RYR3: variants seen among roughly 807,000 people sequenced by gnomAD.
RYR3 encodes ryanodine receptor 3.
RYR3 carries 207 observed loss-of-function variants against 584.3 expected under a neutral mutation model. The observed-to-expected ratio is 0.35, with a 90% CI of 0.32 to 0.40. The LOEUF is 0.40. Ranked by LOEUF, RYR3 falls within the 10% of genes least tolerant of loss-of-function variation. RYR3 has a pLI of 1.00. For missense variants in RYR3, 5,616 were observed against 6,089.2 expected (o/e 0.92, Z 2.59); for synonymous variants, 2,416 against 2,248.5 (o/e 1.07, Z -2.11).
chr15:33,352,516 G>GACTTA (rs1973420104), intron 1 of RYR3, among the ~76,000 whole-genome samples: 1 of 152,112 alleles, frequency 6.6e-6, no homozygotes. Context: ...TGCCCTTGTT[G>GACTTA]ACTTAACGAG....
chr15:33,785,997 C>T lies in RYR3; in HGVS notation c.9589+15C>T. 6.6e-7 allele frequency: 1 copy of T among 1,524,740 alleles called. No individual in the cohort carries two copies. Among genetic ancestry groups the T allele is most frequent in the Non-Finnish European group, 8.8e-7 (1 of 1,133,148 alleles). 94.5% of individuals were successfully genotyped at this position (1,524,740 alleles called of 1,614,324 possible). On this transcript the variant is annotated intron_variant, in intron 66 of 103. Coordinates refer to ENST00000634891, the MANE Select transcript of RYR3 (RefSeq NM_001036.6). ...GCGCATTGCAGGTACCGACCCCTTT[C>T]TCCCCAGTCCCCAGCCCAGGGGCCA... is the stretch of plus-strand genomic sequence containing the variant.
chr15:33,816,808 A>G, intron 74 of RYR3, 54 bp from the exon 75 acceptor site: 1 of 1,234,382 alleles, frequency 8.1e-7, no homozygotes, highest in Non-Finnish European at 1.2e-6. Context: ...GCCCAAACTA[A>G]AAGAACAAGT....
chr15:33,790,218 C>A (rs1375963896), intron 67 of RYR3, among the ~76,000 whole-genome samples: 1 of 151,800 alleles, frequency 6.6e-6, no homozygotes, highest in African/African-American at 2.4e-5. Context: ...TGGTCTCAAT[C>A]TCCTGACCTC....
chr15:33,634,623 A>G lies in RYR3; in HGVS notation c.3065A>G (p.Tyr1022Cys), dbSNP rs1028705656. 6.2e-7 allele frequency: 1 copy of G among 1,613,898 alleles called. No individual in the cohort carries two copies. The highest frequency in any genetic ancestry group is 8.5e-7 in the Non-Finnish European group (1 of 1,179,826). Residue 1022 changes from tyrosine (Y) to cysteine (C), a missense_variant, in exon 25 of 104, where the codon TAT (tyrosine) becomes TGT (cysteine). Coordinates refer to ENST00000634891, the MANE Select transcript of RYR3 (RefSeq NM_001036.6). ...KNKRNPRLVPYALLDERTKKS... is the reference protein window; with the variant it reads ...KNKRNPRLVPCALLDERTKKS... ...AAAAGAAATCCCCGTCTGGTGCCAT[A>G]TGCATTACTGGATGAGCGTACCAAG...
intron 1 of RYR3, among the ~76,000 whole-genome samples, chr15:33,383,478 A>G (rs973471430): frequency 1.3e-5 from 2 of 151,744 alleles, no homozygotes; most frequent in Non-Finnish European, 2.9e-5. Flanking sequence ...AATGTCCGGC[A>G]TTTTCATGGG....
At chr15:33,497,197 T>C (rs1424521269) in intron 2 of RYR3, among the ~76,000 whole-genome samples, 2 of 152,180 alleles carry the variant, frequency 1.3e-5, no homozygotes, top group African/African-American at 2.4e-5. Flanking sequence ...GAGATACCCA[T>C]ACATCACCAC....
At chr15:33,589,964 C>T (rs1422856319) in intron 16 of RYR3, among the ~76,000 whole-genome samples, 1 of 152,134 alleles carries the variant, frequency 6.6e-6, no homozygotes, top group Non-Finnish European at 1.5e-5. Context: ...GTTGATTTCA[C>T]CTGGGTGCAG....
intron 1 of RYR3, among the ~76,000 whole-genome samples, chr15:33,389,558 C>G (rs1280783935): frequency 2.0e-5 from 3 of 152,150 alleles, no homozygotes; most frequent in Admixed American, 6.5e-5. Flanking sequence ...ATTTAATACA[C>G]AGATTAAAAG....
intron 1 of RYR3, among the ~76,000 whole-genome samples, chr15:33,319,104 C>T (rs1968594997): frequency 6.6e-6 from 1 of 152,194 alleles, no homozygotes; most frequent in Non-Finnish European, 1.5e-5. Context: ...GAAAATTTCA[C>T]AGTTGAGTTC....
intron 1 of RYR3, among the ~76,000 whole-genome samples, chr15:33,324,544 T>A (rs1288939233): frequency 6.6e-6 from 1 of 152,250 alleles, no homozygotes; most frequent in Non-Finnish European, 1.5e-5. Flanking sequence ...TCTTTGGTGC[T>A]TGTCAACATC....
intron 2 of RYR3, among the ~76,000 whole-genome samples, chr15:33,489,404 T>C (rs2050776713): frequency 6.6e-6 from 1 of 152,222 alleles, no homozygotes; most frequent in Non-Finnish European, 1.5e-5. Flanking sequence ...TTTCCTTCTT[T>C]GTGCTCATAA....
chr15:33,396,635 C>G (rs1326519313), intron 1 of RYR3, among the ~76,000 whole-genome samples: 1 of 152,154 alleles, frequency 6.6e-6, no homozygotes, highest in Admixed American at 6.5e-5. Context: ...GTGTACAAAT[C>G]TAATGCATGA....
At chr15:33,589,768 C>T (rs1471497200) in intron 16 of RYR3, among the ~76,000 whole-genome samples, 2 of 152,212 alleles carry the variant, frequency 1.3e-5, no homozygotes, top group Non-Finnish European at 2.9e-5. Flanking sequence ...AATCAGTTGG[C>T]TATAGCTATG....
At chr15:33,327,712 G>GCCTT (rs1040121850) in intron 1 of RYR3, among the ~76,000 whole-genome samples, 7 of 151,932 alleles carry the variant, frequency 4.6e-5, no homozygotes, top group African/African-American at 1.2e-4. Context: ...CTGCCTGCCT[G>GCCTT]CCTTCCTTCC....
chr15:33,604,352 C>T (rs1293406431), intron 18 of RYR3, among the ~76,000 whole-genome samples: 1 of 152,208 alleles, frequency 6.6e-6, no homozygotes, highest in Non-Finnish European at 1.5e-5. Context: ...CTAATTGCCT[C>T]ATGCCAATGA....
intron 89 of RYR3, among the ~76,000 whole-genome samples, chr15:33,839,210 C>T (rs1311219786): frequency 6.6e-6 from 1 of 152,166 alleles, no homozygotes; most frequent in Non-Finnish European, 1.5e-5. Context: ...ACATGATGGC[C>T]TGTGACACTT....
intron 1 of RYR3, among the ~76,000 whole-genome samples, chr15:33,387,933 A>G (rs2676053): frequency 0.77 from 117,141 of 151,772 alleles, 45,297 homozygotes; most frequent in African/African-American, 0.79. Context: ...GAAAGAACAG[A>G]GGAAAGAAAG....
At chr15:33,654,550 A>G (rs908199246) in intron 32 of RYR3, among the ~76,000 whole-genome samples, 6 of 151,950 alleles carry the variant, frequency 3.9e-5, no homozygotes, top group African/African-American at 1.5e-4. Context: ...GTAGAAGGAG[A>G]AGAGTGTTGA....
chr15:33,352,664 A>C (rs937747832), intron 1 of RYR3, among the ~76,000 whole-genome samples: 1 of 152,196 alleles, frequency 6.6e-6, no homozygotes, highest in Non-Finnish European at 1.5e-5. Context: ...GATACTCTTT[A>C]AGCTAACAAT....
Sources: gnomAD v4.1 joint callset for allele counts (sites outside exome capture counted in the v4.1 genomes callset) on GRCh38, gnomAD v4.1.1 for gene constraint, MANE v1.5 for transcripts, NCBI Gene and HGNC (gene_info 2026-07-23, HGNC 2026-07-21) for gene names.